EXOC3L4: variants seen among roughly 807,000 people sequenced by gnomAD.
EXOC3L4 encodes exocyst complex component 3 like 4.
Under a neutral mutation model 69.7 loss-of-function variants are expected in EXOC3L4, and 62 were observed. The ratio of observed to expected loss-of-function variants is 0.89; its 90% CI spans 0.72 to 1.10. EXOC3L4 has a LOEUF of 1.10. Ranked by LOEUF, EXOC3L4 falls within the 50% of genes least tolerant of loss-of-function variation. The pLI, the probability that EXOC3L4 is intolerant of heterozygous loss-of-function variation, is 0.00. For missense variants in EXOC3L4, 1,087 were observed against 1,034.8 expected (o/e 1.05, Z -0.69); for synonymous variants, 502 against 464.2 (o/e 1.08, Z -1.05).
intron 3 of EXOC3L4, 139 bp from the exon 4 acceptor site, chr14:103,103,802 G>GTGTGTC: frequency 1.8e-6 from 1 of 555,394 alleles, no homozygotes; most frequent in Non-Finnish European, 3.2e-6. Flanking sequence ...GCGCGCGTGT[G>GTGTGTC]TGTGTGTGTG....
At position 103,100,605 on chromosome 14, in the gene EXOC3L4, C is replaced by T. The variant is rs1244813095; in HGVS notation, c.386C>T (p.Pro129Leu). The T allele has an allele frequency of 1.2e-6, 2 of 1,602,282 alleles. No homozygotes were observed. The highest frequency in any genetic ancestry group is 2.2e-5 in the South Asian group (2 of 90,428). Residue 129 changes from proline (P) to leucine (L), a missense_variant, in exon 2 of 12, where the codon CCC becomes CTC. By Grantham distance (98) the Pro-to-Leu change is moderately conservative (BLOSUM62 -3). Transcript: ENST00000688303. ...GGGGCAGCGTCTGAGGAACTGAAACCCGAGGCAGGTAAGGGCCTCAGAAAC... is the reference window on the plus strand; with the variant it reads ...GGGGCAGCGTCTGAGGAACTGAAACTCGAGGCAGGTAAGGGCCTCAGAAAC... The part of the protein sequence containing the change: ...STGAASEELK[P>L]EAEGKSVADL...
Position 103,110,513 on chromosome 14 carries a change from A to G in EXOC3L4, c.*290A>G. On this transcript the variant is annotated 3_prime_UTR_variant, in exon 12 of 12. Coordinates refer to ENST00000688303, the MANE Select transcript of EXOC3L4 (RefSeq NM_001077594.2). Reference sequence around the variant, plus strand: ...CTGTCCAGCTTCACCCTCCAGTCTGAAAGTGAAGAGCAGAGTATTTATTTA... The same window carrying G: ...CTGTCCAGCTTCACCCTCCAGTCTGGAAGTGAAGAGCAGAGTATTTATTTA... 1 of 553,942 alleles carries G rather than the reference A, an allele frequency of 1.8e-6. No homozygotes were observed. Among genetic ancestry groups the G allele is most frequent in the African/African-American group, 1.9e-5 (1 of 52,306 alleles). The allele number at this position is 553,942 out of a possible 1,614,324, so 34.3% of individuals were successfully genotyped here.
chr14:103,103,872 GC>G, intron 3 of EXOC3L4, 68 bp from the exon 4 acceptor site: 1 of 1,050,776 alleles, frequency 9.5e-7, no homozygotes, highest in Non-Finnish European at 1.4e-6. Context: ...TTTGAGCCTG[GC>G]CAGAAGAGGG....
chr14:103,106,650 G>C lies in EXOC3L4; in HGVS notation c.1467-135G>C, dbSNP rs569271269. 8.0e-5 allele frequency: 47 copies of C among 587,634 alleles called. No homozygotes were observed. The East Asian group carries it at 1.4e-3, about 17-fold the overall frequency. 36.4% of individuals were successfully genotyped at this position (587,634 alleles called of 1,614,324 possible). ...TGCTGTCCCCCACTTGACTCTGCTCGCAGACAGCTACAATGGGGAGCCCCA... is the reference window on the plus strand; with the variant it reads ...TGCTGTCCCCCACTTGACTCTGCTCCCAGACAGCTACAATGGGGAGCCCCA... On this transcript the variant is annotated intron_variant, in intron 7 of 11. Coordinates refer to ENST00000688303, the MANE Select transcript of EXOC3L4 (RefSeq NM_001077594.2).
chr14:103,104,059 C>A lies in EXOC3L4; in HGVS notation c.1161+7C>A, dbSNP rs1254969563. ...CTACACCAGCTTCCTGGAGGTCAGG[C>A]CGGGCGGGTCAGGCTGGGCGGGCCA... On this transcript the variant is annotated splice_region_variant and intron_variant, in intron 4 of 11. Transcript: ENST00000688303. 4 of 1,552,568 alleles carry A rather than the reference C, an allele frequency of 2.6e-6. No individual in the cohort carries two copies. Among genetic ancestry groups the A allele is most frequent in the Non-Finnish European group, 3.5e-6 (4 of 1,152,640 alleles).
chr14:103,105,919 C>T (rs1041032493), intron 7 of EXOC3L4, among the ~76,000 whole-genome samples: 9 of 152,348 alleles, frequency 5.9e-5, no homozygotes, highest in East Asian at 5.8e-4. Context: ...CTGTGTGCTC[C>T]GGGACAAGCC....
At chr14:103,099,210 C>T (rs2139465744) in intron 1 of EXOC3L4, among the ~76,000 whole-genome samples, 1 of 152,310 alleles carries the variant, frequency 6.6e-6, no homozygotes, top group African/African-American at 2.4e-5. Flanking sequence ...CCTCCCCCAC[C>T]CATGGCCCAG....
At position 103,107,462 on chromosome 14, in the gene EXOC3L4, G is replaced by A. The variant is rs773646997; in HGVS notation, c.1620G>A (p.Thr540=). 43 of 1,613,910 alleles carry A rather than the reference G, an allele frequency of 2.7e-5. No homozygotes were observed. The highest frequency in any genetic ancestry group is 1.2e-4 in the African/African-American group (9 of 75,060). The part of the protein sequence containing the change: ...FRVVCTRDWL[T]QDWLHPLMDK... ...TTGTGTGCACCAGGGACTGGCTGAC[G>A]CAGGACTGGCTGCATCCCCTCATGG... Residue 540 remains threonine, a synonymous_variant, in exon 9 of 12, where the codon ACG becomes ACA. Coordinates refer to ENST00000688303, the MANE Select transcript of EXOC3L4 (RefSeq NM_001077594.2).
Position 103,107,329 on chromosome 14 carries a change from G to C in EXOC3L4, c.1582-95G>C, listed in dbSNP as rs1890616240. On this transcript the variant is annotated intron_variant, in intron 8 of 11. Transcript: ENST00000688303. ...AGGGAATGGCACCCCAAACCCAGGA[G>C]GGAAGGGGTCAGGAGTGGCACACTG... 4 of 1,535,058 alleles carry C rather than the reference G, an allele frequency of 2.6e-6. No individual in the cohort carries two copies. In the East Asian group the frequency reaches 9.1e-5, roughly 35 times the overall value.
intron 10 of EXOC3L4, 78 bp downstream of exon 10, chr14:103,107,861 G>A: frequency 6.9e-7 from 1 of 1,446,296 alleles, no homozygotes; most frequent in African/African-American, 1.4e-5. Flanking sequence ...TTAGCGCCGG[G>A]AGGGCTTTTG....
chr14:103,099,008 C>T (rs1331128080), intron 1 of EXOC3L4: 1 of 152,190 alleles, frequency 6.6e-6, no homozygotes, highest in Non-Finnish European at 1.5e-5. Context: ...GGTGTCATTC[C>T]ACCGCAGCAA....
At position 103,110,343 on chromosome 14, in the gene EXOC3L4, A is replaced by G; in HGVS notation, c.*120A>G. 1 of 1,233,826 alleles carries G rather than the reference A, an allele frequency of 8.1e-7. No homozygotes were observed. Among genetic ancestry groups the G allele is most frequent in the Non-Finnish European group, 1.1e-6 (1 of 873,534 alleles). 76.4% of individuals were successfully genotyped at this position (1,233,826 alleles called of 1,614,324 possible). A position where few individuals can be genotyped will look rare whatever the true frequency, so the allele number is the denominator to read the frequency against. On this transcript the variant is annotated 3_prime_UTR_variant, in exon 12 of 12. Transcript: ENST00000688303. The stretch of plus-strand genomic sequence containing the variant: ...CCAACTCTGACACTGCAGTTAGGGA[A>G]TTTTTGTCGTCAGCAGCCAAGCGCA...
At position 103,108,573 on chromosome 14, in the gene EXOC3L4, G is replaced by C. The variant is rs1336719243; in HGVS notation, c.1976+56G>C. On this transcript the variant is annotated intron_variant, in intron 11 of 11. Coordinates refer to ENST00000688303, the MANE Select transcript of EXOC3L4 (RefSeq NM_001077594.2). ...CTACCAGAGCTTCAGGGCCAAGGGG[G>C]CTGGTATTGGAGCAACCCCAGCCCA... 7.5e-6 allele frequency: 12 copies of C among 1,590,052 alleles called. No individual in the cohort carries two copies. The Admixed American group carries it at 2.1e-4, about 27-fold the overall frequency.
rs1239499663 is a variant in EXOC3L4 at position 103,107,793 on chromosome 14, G to T, written c.1854+10G>T. The stretch of plus-strand genomic sequence containing the variant: ...CACCTTCCAGGGCCTGGTAGGGGCG[G>T]CATGACTGCCCTTCGGTGCTCGCCT... On this transcript the variant is annotated intron_variant, in intron 10 of 11. Coordinates refer to ENST00000688303, the MANE Select transcript of EXOC3L4 (RefSeq NM_001077594.2). 7 of 1,504,520 alleles carry T rather than the reference G, an allele frequency of 4.7e-6. No homozygotes were observed. The highest frequency in any genetic ancestry group is 6.3e-6 in the Non-Finnish European group (7 of 1,119,738). 93.2% of individuals were successfully genotyped at this position (1,504,520 alleles called of 1,614,324 possible).
At position 103,103,964 on chromosome 14, in the gene EXOC3L4, G is replaced by C; in HGVS notation, c.1073G>C (p.Gly358Ala). Residue 358 changes from glycine (G) to alanine (A), a missense_variant, in exon 4 of 12, where the codon GGG becomes GCG. Physicochemically the swap from Gly to Ala is moderately conservative, Grantham distance 60. Coordinates refer to ENST00000688303, the MANE Select transcript of EXOC3L4 (RefSeq NM_001077594.2). Reference sequence around the variant, plus strand: ...AGTCCTGACTTCCTGGGCGCCCCGGGGCTGGCGCTGCCCGCCGAGCCGCTG... The same window carrying C: ...AGTCCTGACTTCCTGGGCGCCCCGGCGCTGGCGCTGCCCGCCGAGCCGCTG... ...YGSPDFLGAP[G>A]LALPAEPLPP... is the part of the protein sequence containing the mutation. The C allele has an allele frequency of 6.5e-7, 1 of 1,548,536 alleles. No individual in the cohort carries two copies. Among genetic ancestry groups the C allele is most frequent in the Non-Finnish European group, 8.7e-7 (1 of 1,152,708 alleles).
intron 3 of EXOC3L4, chr14:103,103,728 A>C: frequency 1.9e-6 from 1 of 530,076 alleles, no homozygotes; most frequent in South Asian, 2.5e-5. Flanking sequence ...GTTCTGCAGG[A>C]AGGCAGGAAC....
In EXOC3L4 at chr14:103,102,668, C is replaced by T; in HGVS notation, c.945C>T (p.Ala315=). The T allele has an allele frequency of 6.7e-7, 1 of 1,496,930 alleles. No homozygotes were observed. Among genetic ancestry groups the T allele is most frequent in the South Asian group, 1.3e-5 (1 of 79,248 alleles). 92.7% of individuals were successfully genotyped at this position (1,496,930 alleles called of 1,614,324 possible). Residue 315 remains alanine (A), a synonymous_variant, in exon 3 of 12, where the codon GCC becomes GCT. Transcript: ENST00000688303. The stretch of plus-strand genomic sequence containing the variant: ...CAGCGTGGGAGGTCTATCTGCGTGC[C>T]TTCCACAGCGCCGTGGCCCAGCGCC... ...GFPAWEVYLR[A]FHSAVAQRLQ... is the part of the protein sequence containing the mutation.
chr14:103,108,282 C>A, intron 10 of EXOC3L4, 114 bp from the exon 11 acceptor site: 1 of 1,471,268 alleles, frequency 6.8e-7, no homozygotes, highest in Non-Finnish European at 9.2e-7. Context: ...AGAGTGACTA[C>A]AGGAGGGCTG....
chr14:103,107,379 C>A, intron 8 of EXOC3L4, 45 bp from the exon 9 acceptor site: 1 of 1,591,616 alleles, frequency 6.3e-7, no homozygotes, highest in Non-Finnish European at 8.6e-7. Context: ...GGTTACGTTG[C>A]GGGCGTAGTG....
Sources: allele counts gnomAD v4.1 joint callset (sites outside exome capture counted in the v4.1 genomes callset), GRCh38; gene constraint gnomAD v4.1.1; transcripts MANE v1.5; gene names NCBI Gene and HGNC (gene_info 2026-07-23, HGNC 2026-07-21).